GPCPD1: variants seen among roughly 807,000 people sequenced by gnomAD.
The protein encoded by GPCPD1 is glycerophosphocholine phosphodiesterase GPCPD1.
In GPCPD1, 29 loss-of-function variants were observed where a neutral mutation model predicts 89.2. The observed-to-expected ratio is 0.33, with a 90% CI of 0.24 to 0.44. GPCPD1 has a LOEUF of 0.44. GPCPD1 is among the 20% of genes least tolerant of loss of function. The pLI is 1.00. For synonymous variants in GPCPD1, 258 were observed against 266.3 expected (o/e 0.97, Z 0.30); for missense variants, 594 against 808.9 (o/e 0.73, Z 3.22).
At chr20:5,553,901 C>CCCGGCCGAACAACAGATTTTCAATG (rs1555803062) in intron 19 of GPCPD1, among the ~76,000 whole-genome samples, 2 of 145,150 alleles carry the variant, frequency 1.4e-5, no homozygotes, top group East Asian at 4.4e-4. Context: ...GATGGAGAAG[C>CCCGGCCGAACAACAGATTTTCAATG]TGCAGTTAAG....
intron 15 of GPCPD1, among the ~76,000 whole-genome samples, chr20:5,562,809 T>A (rs4361194): frequency 0.25 from 37,707 of 152,038 alleles, 5,134 homozygotes; most frequent in East Asian, 0.43. Flanking sequence ...GGGACTTTTT[T>A]AATTTTCTCC....
chr20:5,588,847 A>AG lies in GPCPD1; in HGVS notation c.232-2579dup, dbSNP rs563880907. Among the ~76,000 whole-genome samples the AG allele has an allele frequency of 1.9e-4, 29 of 151,674 alleles. No individual in the cohort carries two copies. In the East Asian group the frequency reaches 5.2e-3, roughly 27 times the overall value. On this transcript the variant is annotated intron_variant, in intron 4 of 19. Transcript: ENST00000379019. ...CTCAAAAAAGAAAAAGAAAAAAAAA[A>AG]GAAAAAGAAAAGGGTGCTATGAATA...
rs1390340567 is a variant in GPCPD1, at chr20:5,546,499, A to T, written c.*1162T>A. ...ATAAATCTGTATCATTTTATTTAAC[A>T]TTCATTCTTTAAGTTACAGTTAACA... On this transcript the variant is annotated 3_prime_UTR_variant, in exon 20 of 20. Transcript: ENST00000379019. 2 of 152,228 alleles carry T rather than the reference A, an allele frequency of 1.3e-5. No individual in the cohort carries two copies. The allele number at this position is 152,228 out of a possible 1,614,324, so 9.4% of individuals were successfully genotyped here.
chr20:5,569,834 C>G (rs1317148937), intron 12 of GPCPD1, among the ~76,000 whole-genome samples: 1 of 152,136 alleles, frequency 6.6e-6, no homozygotes, highest in South Asian at 2.1e-4. Flanking sequence ...AAAACAAACA[C>G]TATGATATCT....
intron 6 of GPCPD1, 143 bp downstream of exon 6, chr20:5,584,138 C>T (rs1017732658): frequency 1.0e-5 from 5 of 497,754 alleles, no homozygotes; most frequent in African/African-American, 1.0e-4. Flanking sequence ...TGCTGCTGCA[C>T]GTGTGGCCTG....
At chr20:5,592,610 T>G (rs1010183363) in intron 4 of GPCPD1, among the ~76,000 whole-genome samples, 1 of 152,210 alleles carries the variant, frequency 6.6e-6, no homozygotes, top group African/African-American at 2.4e-5. Flanking sequence ...AATCCATGAT[T>G]TGTATCCTAG....
rs78596430 is a variant in GPCPD1 at position 5,578,564 on chromosome 20, A to G, written c.521T>C (p.Val174Ala). 6.8e-5 allele frequency: 110 copies of G among 1,613,620 alleles called. No homozygotes were observed. The East Asian group carries it at 2.2e-3, about 33-fold the overall frequency. ...EGLEEDDDDR[V>A]SPTVLHKMSN... ...CATTTTGTGGAGTACAGTGGGAGAT[A>G]CCCTATCATCGTCATCTTCCTCCAG... is the stretch of plus-strand genomic sequence containing the variant. The change falls in exon 8 of 20, where the codon GTA becomes GCA. Residue 174 changes from valine to alanine, a missense_variant. Transcript: ENST00000379019.
intron 19 of GPCPD1, among the ~76,000 whole-genome samples, chr20:5,556,550 GC>G (rs1238862413): frequency 1.3e-5 from 2 of 152,156 alleles, no homozygotes; most frequent in Admixed American, 1.3e-4. Flanking sequence ...TTTAGGACTT[GC>G]TTTGCTGTGG....
intron 1 of GPCPD1, among the ~76,000 whole-genome samples, chr20:5,608,397 G>GC (rs1261464174): frequency 6.6e-6 from 1 of 151,854 alleles, no homozygotes; most frequent in Non-Finnish European, 1.5e-5. Flanking sequence ...CACCCTGAGC[G>GC]CCCCCCTCCC....
intron 19 of GPCPD1, among the ~76,000 whole-genome samples, chr20:5,550,868 T>C (rs1431215158): frequency 1.3e-5 from 2 of 152,146 alleles, no homozygotes; most frequent in Non-Finnish European, 2.9e-5. Context: ...ACACAGAGAA[T>C]GGCAGGGCAC....
intron 6 of GPCPD1, among the ~76,000 whole-genome samples, chr20:5,580,468 G>A (rs1978381754): frequency 6.6e-6 from 1 of 152,150 alleles, no homozygotes; most frequent in Admixed American, 6.5e-5. Flanking sequence ...GCTCACGCCT[G>A]TAATCCCAGC....
intron 2 of GPCPD1, 110 bp downstream of exon 2, chr20:5,604,254 T>C: frequency 3.0e-6 from 2 of 667,280 alleles, no homozygotes; most frequent in Non-Finnish European, 5.4e-6. Flanking sequence ...ATAGATATTT[T>C]CATCTAAAAA....
intron 8 of GPCPD1, among the ~76,000 whole-genome samples, chr20:5,577,415 G>C (rs1328225029): frequency 6.7e-6 from 1 of 150,236 alleles, no homozygotes; most frequent in Non-Finnish European, 1.5e-5. Context: ...TTGCACCCAG[G>C]AGATTGAGGC....
chr20:5,549,060 A>G (rs1985212024), intron 19 of GPCPD1: 2 of 653,904 alleles, frequency 3.1e-6, no homozygotes, highest in African/African-American at 1.8e-5. Context: ...CTGTACAACC[A>G]TATCCAGTTG....
intron 19 of GPCPD1, chr20:5,549,231 CTG>C (rs1461155635): frequency 1.3e-6 from 1 of 748,490 alleles, no homozygotes; most frequent in Non-Finnish European, 2.4e-6. Flanking sequence ...AGAGACTCTA[CTG>C]TGTCTTATTG....
At position 5,598,837 on chromosome 20, in the gene GPCPD1, A is replaced by G; in HGVS notation, c.50-16T>C. The G allele has an allele frequency of 6.7e-7, 1 of 1,499,012 alleles. No individual in the cohort carries two copies. The highest frequency in any genetic ancestry group is 1.4e-5 in the African/African-American group (1 of 72,540). The allele number at this position is 1,499,012 out of a possible 1,614,324, so 92.9% of individuals were successfully genotyped here. On this transcript the variant is annotated splice_polypyrimidine_tract_variant and intron_variant, in intron 2 of 19. Coordinates refer to ENST00000379019, the MANE Select transcript of GPCPD1 (RefSeq NM_019593.5). The stretch of plus-strand genomic sequence containing the variant: ...AAAACTTCTCCTAAAGAAACAGAAC[A>G]ATCAGTCACAGAGAAACAGAACAAT...
At chr20:5,575,598 A>G in intron 9 of GPCPD1, 53 bp from the exon 10 acceptor site, 2 of 1,216,234 alleles carry the variant, frequency 1.6e-6, no homozygotes, top group East Asian at 2.4e-5. Flanking sequence ...TAAAAGGGCC[A>G]TTATGAGCTA....
intron 3 of GPCPD1, among the ~76,000 whole-genome samples, chr20:5,595,133 T>C (rs1175040447): frequency 1.3e-5 from 2 of 152,218 alleles, no homozygotes; most frequent in East Asian, 3.8e-4. Context: ...TGCAATTCAC[T>C]AAAGGCTCAA....
intron 3 of GPCPD1, among the ~76,000 whole-genome samples, chr20:5,594,713 T>C (rs1345603033): frequency 2.0e-5 from 3 of 152,252 alleles, no homozygotes; most frequent in Non-Finnish European, 4.4e-5. Context: ...TAGGGCATTG[T>C]CCTTACTCTG....
Sources: allele counts gnomAD v4.1 joint callset (sites outside exome capture counted in the v4.1 genomes callset), GRCh38; gene constraint gnomAD v4.1.1; transcripts MANE v1.5; gene names NCBI Gene and HGNC (gene_info 2026-07-23, HGNC 2026-07-21).